LRIG1: variants seen among roughly 807,000 people sequenced by gnomAD.
LRIG1 encodes the protein leucine-rich repeats and immunoglobulin-like domains protein 1.
A neutral mutation model predicts 99.2 loss-of-function variants in LRIG1; 48 were observed. The observed-to-expected ratio is 0.48, with a 90% CI of 0.38 to 0.62. The LOEUF (loss-of-function observed/expected upper bound fraction) is 0.62. Among genes scored for constraint, LRIG1 ranks in the 20% least tolerant of loss-of-function variants. The pLI is 0.00. For missense variants in LRIG1, 1,646 were observed against 1,434.4 expected, an observed-to-expected ratio of 1.15 and a Z score of -2.38; for synonymous variants, 772 against 596.1, an observed-to-expected ratio of 1.29 and a Z score of -4.30.
At chr3:66,404,425 T>C in intron 9 of LRIG1, 1 of 1,196,868 alleles carries the variant, frequency 8.4e-7, no homozygotes, top group Non-Finnish European at 1.1e-6. Context: ...CTCGTCCCCT[T>C]CCTGCACGGT....
intron 12 of LRIG1, among the ~76,000 whole-genome samples, chr3:66,392,889 C>T (rs1478533557): frequency 6.6e-6 from 1 of 152,212 alleles, no homozygotes; most frequent in South Asian, 2.1e-4. Context: ...GATAATGGAG[C>T]TGTGCGAGCA....
intron 2 of LRIG1, among the ~76,000 whole-genome samples, chr3:66,458,824 C>G (rs902722466): frequency 5.3e-5 from 8 of 152,044 alleles, no homozygotes; most frequent in African/African-American, 1.9e-4. Context: ...CAAGATCAGC[C>G]TGGCCAACAT....
At chr3:66,398,341 C>T (rs1486298235) in intron 10 of LRIG1, among the ~76,000 whole-genome samples, 158 bp from the exon 11 acceptor site, 1 of 152,186 alleles carries the variant, frequency 6.6e-6, no homozygotes, top group African/African-American at 2.4e-5. Flanking sequence ...AACACAAGCC[C>T]ATGGAATGAC....
chr3:66,435,396 TAAAAACAAAAAACA>T (rs72369408), intron 3 of LRIG1, among the ~76,000 whole-genome samples: 1 of 151,706 alleles, frequency 6.6e-6, no homozygotes, highest in African/African-American at 2.4e-5. Flanking sequence ...CCATCTCTAC[TAAAAACAAAAAACA>T]AAAAACAAAA....
At chr3:66,412,550 T>C (rs979421601) in intron 6 of LRIG1, among the ~76,000 whole-genome samples, 1 of 152,148 alleles carries the variant, frequency 6.6e-6, no homozygotes, top group African/African-American at 2.4e-5. Context: ...CCCAAGACAA[T>C]GAGTTGGGCC....
intron 1 of LRIG1, among the ~76,000 whole-genome samples, chr3:66,462,794 T>C (rs1700384919): frequency 6.6e-6 from 1 of 152,140 alleles, no homozygotes; most frequent in South Asian, 2.1e-4. Flanking sequence ...GTAAACCAGC[T>C]CCCTACCTAC....
intron 3 of LRIG1, among the ~76,000 whole-genome samples, chr3:66,433,212 CAG>C (rs1161553593): frequency 2.0e-5 from 3 of 152,212 alleles, no homozygotes; most frequent in South Asian, 4.1e-4. Flanking sequence ...ACTCCAGAAT[CAG>C]AGAGGTTAAG....
In LRIG1 at chr3:66,383,254, T is replaced by C; in HGVS notation, c.2219A>G (p.His740Arg). The change falls in exon 15 of 19, where the codon CAC becomes CGC. Residue 740 changes from histidine (H) to arginine (R), a missense_variant. Physicochemically the swap from His to Arg is conservative, Grantham distance 29 (BLOSUM62 0). Transcript: ENST00000273261. ...CAGGAGCTGGTTGTCAGGGGTCAAG[T>C]GGTGCCGCTCAGTGAGGCTCAGCGG... Reference protein sequence around the residue: ...DRPLSLTERHHLTPDNQLLVV... With the variant: ...DRPLSLTERHRLTPDNQLLVV... The C allele has an allele frequency of 1.2e-6, 2 of 1,614,164 alleles. No individual in the cohort carries two copies. The highest frequency in any genetic ancestry group is 1.7e-6 in the Non-Finnish European group (2 of 1,179,998).
At chr3:66,407,596 C>T in intron 7 of LRIG1, 105 bp from the exon 8 acceptor site, 1 of 1,287,220 alleles carries the variant, frequency 7.8e-7, no homozygotes, top group Non-Finnish European at 1.1e-6. Context: ...TGGGAAATGA[C>T]ACAGATGCAC....
At chr3:66,431,489 C>T (rs935999795) in intron 3 of LRIG1, among the ~76,000 whole-genome samples, 3 of 152,134 alleles carry the variant, frequency 2.0e-5, no homozygotes, top group East Asian at 1.9e-4. Context: ...AAGAAGGCTC[C>T]GCCAACTAGG....
At chr3:66,415,095 T>C (rs1202123802) in intron 4 of LRIG1, 32 bp from the exon 5 acceptor site, 10 of 1,573,396 alleles carry the variant, frequency 6.4e-6, no homozygotes, top group East Asian at 2.3e-5. Flanking sequence ...AATGTGGTGG[T>C]TGGTCAAAGG....
intron 1 of LRIG1, among the ~76,000 whole-genome samples, chr3:66,470,691 G>A (rs1211337344): frequency 3.3e-5 from 5 of 152,028 alleles, no homozygotes; most frequent in African/African-American, 9.7e-5. Context: ...ACAGAGTATC[G>A]CCTTGTTCAT....
rs180876319 is a variant in LRIG1 at position 66,417,006 on chromosome 3, G to A, written c.503+123C>T. 106 of 1,322,954 alleles carry A rather than the reference G, an allele frequency of 8.0e-5. No individual in the cohort carries two copies. In the East Asian group the frequency reaches 1.0e-3, roughly 13 times the overall value. 82.0% of individuals were successfully genotyped at this position (1,322,954 alleles called of 1,614,324 possible). On this transcript the variant is annotated intron_variant, in intron 4 of 18. Transcript: ENST00000273261. ...AGGTCTGAACCATCCCCACTGACTCGGCCCAGCCGTGGTTGAGAAGGGAAG... is the reference window on the plus strand; with the variant it reads ...AGGTCTGAACCATCCCCACTGACTCAGCCCAGCCGTGGTTGAGAAGGGAAG...
At position 66,463,216 on chromosome 3, in the gene LRIG1, T is replaced by C. The variant is rs539546687; in HGVS notation, c.219-707A>G. 2.6e-5 allele frequency among the ~76,000 whole-genome samples: 4 copies of C among 152,242 alleles called. No individual in the cohort carries two copies. In the South Asian group the frequency reaches 6.2e-4, roughly 24 times the overall value. The stretch of plus-strand genomic sequence containing the variant: ...AGCTTAAGACTAAAAATTGCACAAA[T>C]AGTCAAAGTTCAAGTGAGTGTTTAG... On this transcript the variant is annotated intron_variant, in intron 1 of 18. Coordinates refer to ENST00000273261, the MANE Select transcript of LRIG1 (RefSeq NM_015541.3).
chr3:66,412,704 A>G (rs1702508262), intron 6 of LRIG1, among the ~76,000 whole-genome samples, 167 bp downstream of exon 6: 2 of 151,992 alleles, frequency 1.3e-5, no homozygotes, highest in Non-Finnish European at 1.5e-5. Flanking sequence ...GCACACGCGC[A>G]CGCACACACA....
At chr3:66,447,108 A>C (rs1703756991) in intron 3 of LRIG1, among the ~76,000 whole-genome samples, 1 of 152,168 alleles carries the variant, frequency 6.6e-6, no homozygotes, top group African/African-American at 2.4e-5. Context: ...TAGTAGGTGT[A>C]TATATTTATG....
At chr3:66,469,358 T>C (rs1382243355) in intron 1 of LRIG1, 5 of 152,206 alleles carry the variant, frequency 3.3e-5, no homozygotes, top group African/African-American at 1.2e-4. Context: ...CATAGACCAT[T>C]ATCTATGCAA....
intron 1 of LRIG1, among the ~76,000 whole-genome samples, chr3:66,479,258 T>C (rs922077020): frequency 6.6e-6 from 1 of 152,228 alleles, no homozygotes; most frequent in African/African-American, 2.4e-5. Flanking sequence ...CTTCCATAAA[T>C]GCATATGCAC....
At chr3:66,451,782 G>A (rs1703912036) in intron 2 of LRIG1, 149 bp from the exon 3 acceptor site, 2 of 616,366 alleles carry the variant, frequency 3.2e-6, no homozygotes, top group East Asian at 6.2e-5. Flanking sequence ...TTAGCAGTGA[G>A]TTTTTAAAGG....
Sources: allele counts gnomAD v4.1 joint callset (sites outside exome capture counted in the v4.1 genomes callset), GRCh38; gene constraint gnomAD v4.1.1; transcripts MANE v1.5; gene names NCBI Gene and HGNC (gene_info 2026-07-23, HGNC 2026-07-21).